NCKAP5: variants seen among roughly 807,000 people sequenced by gnomAD.
NCKAP5 encodes the protein nck-associated protein 5.
In NCKAP5, 92 loss-of-function variants were observed where a neutral mutation model predicts 167.0. The ratio of observed to expected loss-of-function variants is 0.55; its 90% CI spans 0.47 to 0.66. The LOEUF (loss-of-function observed/expected upper bound fraction) is 0.66. Ranked by LOEUF, NCKAP5 falls within the 30% of genes least tolerant of loss-of-function variation. The pLI, the probability that NCKAP5 is intolerant of heterozygous loss-of-function variation, is 0.00. For synonymous variants in NCKAP5, 891 were observed against 877.4 expected (o/e 1.02, Z -0.27); for missense variants, 2,378 against 2,315.0 (o/e 1.03, Z -0.56).
At chr2:132,696,482 G>C (rs925924558) in intron 19 of NCKAP5, among the ~76,000 whole-genome samples, 3 of 152,170 alleles carry the variant, frequency 2.0e-5, no homozygotes, top group East Asian at 1.9e-4. Flanking sequence ...CTCCTGTAAA[G>C]TCCTTCATCT....
At chr2:133,374,347 G>A (rs909633456) in intron 3 of NCKAP5, among the ~76,000 whole-genome samples, 21 of 152,188 alleles carry the variant, frequency 1.4e-4, no homozygotes, top group Non-Finnish European at 2.1e-4. Flanking sequence ...GGGGATAAGG[G>A]GAAGGGACTG....
chr2:133,565,157 T>C (rs114392907), intron 1 of NCKAP5, among the ~76,000 whole-genome samples: 2 of 152,072 alleles, frequency 1.3e-5, no homozygotes, highest in Non-Finnish European at 2.9e-5. Context: ...CTGAAGAACA[T>C]ACAAGCCCAG....
chr2:133,539,102 G>T (rs575071724), intron 2 of NCKAP5, among the ~76,000 whole-genome samples: 1 of 151,662 alleles, frequency 6.6e-6, no homozygotes, highest in Non-Finnish European at 1.5e-5. Context: ...CACCACGCCC[G>T]GCTAATTTTT....
intron 8 of NCKAP5, among the ~76,000 whole-genome samples, chr2:132,958,733 T>C (rs1481391516): frequency 6.6e-6 from 1 of 152,192 alleles, no homozygotes; most frequent in East Asian, 1.9e-4. Context: ...CCTCTTGCAA[T>C]GTTCTTCCTC....
intron 3 of NCKAP5, among the ~76,000 whole-genome samples, chr2:133,402,219 G>A (rs1441670259): frequency 2.0e-5 from 3 of 152,108 alleles, no homozygotes; most frequent in Non-Finnish European, 4.4e-5. Flanking sequence ...GTGAAGACAA[G>A]CACTGTGCAC....
the NCKAP5 span, among the ~76,000 whole-genome samples, chr2:133,647,713 A>AAGGAAGG: frequency 1.2e-5 from 1 of 85,712 alleles, no homozygotes; most frequent in Non-Finnish European, 2.1e-5. Context: ...AAAGAAAAAG[A>AAGGAAGG]AAGGAAGGAA....
At chr2:133,629,796 C>T in the NCKAP5 span, among the ~76,000 whole-genome samples, 1 of 151,948 alleles carries the variant, frequency 6.6e-6, no homozygotes, top group African/African-American at 2.4e-5. Context: ...TATTATGTAG[C>T]CATAAAAAGG....
At chr2:132,719,252 G>T (rs922865633) in intron 19 of NCKAP5, among the ~76,000 whole-genome samples, 6 of 151,750 alleles carry the variant, frequency 4.0e-5, no homozygotes, top group African/African-American at 1.2e-4. Flanking sequence ...GAGGTGATTG[G>T]ATTTAAAAAA....
chr2:133,406,539 T>G (rs1574896803), intron 3 of NCKAP5, among the ~76,000 whole-genome samples: 2 of 120,926 alleles, frequency 1.7e-5, no homozygotes, highest in Non-Finnish European at 3.2e-5. Flanking sequence ...ATTCTTGATG[T>G]GGCATCAATT....
At chr2:133,435,385 G>C (rs1196164941) in intron 3 of NCKAP5, among the ~76,000 whole-genome samples, 1 of 152,142 alleles carries the variant, frequency 6.6e-6, no homozygotes, top group African/African-American at 2.4e-5. Flanking sequence ...AGTTCTTGTT[G>C]CTGGAGTAAA....
chr2:132,806,509 C>T (rs1813469), intron 11 of NCKAP5, among the ~76,000 whole-genome samples: 35,343 of 151,884 alleles, frequency 0.23, 4,903 homozygotes, highest in African/African-American at 0.39. Flanking sequence ...TTTGCATTTC[C>T]CTGATCATTA....
intron 16 of NCKAP5, among the ~76,000 whole-genome samples, chr2:132,769,103 C>T (rs936939105): frequency 6.6e-6 from 1 of 151,868 alleles, no homozygotes; most frequent in African/African-American, 2.4e-5. Context: ...TGCCACCATG[C>T]CTGACTAATT....
intron 12 of NCKAP5, among the ~76,000 whole-genome samples, chr2:132,790,734 T>G (rs1683999893): frequency 6.6e-6 from 1 of 152,210 alleles, no homozygotes. Context: ...ATTTACTCTC[T>G]TTCTTCAAAG....
chr2:133,367,228 G>C (rs1322870978), intron 3 of NCKAP5, among the ~76,000 whole-genome samples: 1 of 152,102 alleles, frequency 6.6e-6, no homozygotes, highest in Non-Finnish European at 1.5e-5. Context: ...TGACCTCCTT[G>C]GTATCATGGA....
rs536483607 is a variant in NCKAP5 at position 132,697,619 on chromosome 2, T to C, written c.5714-24314A>G. On this transcript the variant is annotated intron_variant, in intron 19 of 19. Coordinates refer to ENST00000409261, the MANE Select transcript of NCKAP5 (RefSeq NM_207363.3). ...TTAAGGTCCCATCTTTTTTTTTTTT[T>C]CCATGTCCTGAAGGAAGCTAAGTGT... Among the ~76,000 whole-genome samples the C allele has an allele frequency of 1.9e-4, 28 of 144,012 alleles. No homozygotes were observed. The South Asian group carries it at 5.4e-3, about 28-fold the overall frequency. The allele number at this position is 144,012 out of a possible 152,430, so 94.5% of individuals were successfully genotyped here. A position where few individuals can be genotyped will look rare whatever the true frequency, so the allele number is the denominator to read the frequency against.
At chr2:133,172,075 T>C (rs2084272538) in intron 5 of NCKAP5, among the ~76,000 whole-genome samples, 1 of 152,188 alleles carries the variant, frequency 6.6e-6, no homozygotes, top group Non-Finnish European at 1.5e-5. Flanking sequence ...AACACTTTTG[T>C]TTACTAGAAA....
chr2:133,319,578 C>T lies in NCKAP5; in HGVS notation c.70-16468G>A, dbSNP rs573628956. Among the ~76,000 whole-genome samples the T allele has an allele frequency of 1.7e-3, 254 of 152,194 alleles. 1 individual carries two copies. The highest frequency in any genetic ancestry group is 3.4e-3 in the Middle Eastern group (1 of 294). On this transcript the variant is annotated intron_variant, in intron 3 of 19. Coordinates refer to ENST00000409261, the MANE Select transcript of NCKAP5 (RefSeq NM_207363.3). ...ACCATGTAAGAATTTTGTATTGGGA[C>T]GGTCACCTAAGACAGAAATTCCTTT...
intron 3 of NCKAP5, among the ~76,000 whole-genome samples, chr2:133,460,173 A>C (rs1056350143): frequency 6.6e-5 from 10 of 152,192 alleles, no homozygotes; most frequent in Admixed American, 3.3e-4. Flanking sequence ...ACTAACAAGG[A>C]AATTAGCTCA....
intron 6 of NCKAP5, among the ~76,000 whole-genome samples, chr2:133,113,950 G>T (rs79350276): frequency 0.027 from 4,107 of 152,294 alleles, 95 homozygotes; most frequent in African/African-American, 0.064. Flanking sequence ...CTATGAGAAT[G>T]CCATGCTTGA....
Sources: allele counts gnomAD v4.1 joint callset (sites outside exome capture counted in the v4.1 genomes callset), GRCh38; gene constraint gnomAD v4.1.1; transcripts MANE v1.5; gene names NCBI Gene and HGNC (gene_info 2026-07-23, HGNC 2026-07-21).